SLC9C2: variants seen among roughly 807,000 people sequenced by gnomAD.
The protein encoded by SLC9C2 is sodium/hydrogen exchanger 11.
In SLC9C2, 75 loss-of-function variants were observed where a neutral mutation model predicts 140.2. The observed-to-expected ratio is 0.53, with a 90% CI of 0.44 to 0.65. The LOEUF is 0.65. SLC9C2 is among the 30% of genes least tolerant of loss of function. The pLI is 0.00. For synonymous variants in SLC9C2, 375 were observed against 420.9 expected, an observed-to-expected ratio of 0.89 and a Z score of 1.34; for missense variants, 1,074 against 1,331.8, an observed-to-expected ratio of 0.81 and a Z score of 3.01.
At chr1:173,597,127 A>G (rs570436915) in intron 4 of SLC9C2, among the ~76,000 whole-genome samples, 5 of 152,056 alleles carry the variant, frequency 3.3e-5, no homozygotes, top group Non-Finnish European at 7.4e-5. Context: ...AACATTTAAA[A>G]AAAAACATGT....
intron 13 of SLC9C2, among the ~76,000 whole-genome samples, chr1:173,541,971 A>T (rs1338738185): frequency 6.6e-6 from 1 of 152,124 alleles, no homozygotes; most frequent in Admixed American, 6.6e-5. Context: ...AGAGCAAACA[A>T]ATTCAAAAGC....
intron 23 of SLC9C2, among the ~76,000 whole-genome samples, chr1:173,511,419 G>T (rs1660049912): frequency 6.7e-6 from 1 of 150,368 alleles, no homozygotes; most frequent in Admixed American, 6.7e-5. Flanking sequence ...AATCAGTGAT[G>T]TTGAGCTTTT....
chr1:173,594,311 T>C (rs557089530), intron 4 of SLC9C2, among the ~76,000 whole-genome samples: 25 of 152,288 alleles, frequency 1.6e-4, no homozygotes, highest in Admixed American at 5.2e-4. Context: ...AAGGAAGACA[T>C]TGAATGTTCC....
intron 9 of SLC9C2, among the ~76,000 whole-genome samples, chr1:173,565,879 A>T (rs1336920376): frequency 2.0e-5 from 3 of 152,018 alleles, no homozygotes; most frequent in Admixed American, 2.0e-4. Context: ...GCATGTTTTT[A>T]TTATGAAGGC....
At chr1:173,505,511 T>G (rs1659569928) in intron 25 of SLC9C2, among the ~76,000 whole-genome samples, 180 bp from the exon 26 acceptor site, 1 of 152,180 alleles carries the variant, frequency 6.6e-6, no homozygotes, top group Non-Finnish European at 1.5e-5. Context: ...GACCAACAAA[T>G]TGTCCTTGCA....
intron 22 of SLC9C2, among the ~76,000 whole-genome samples, chr1:173,520,871 A>T (rs564777115): frequency 6.6e-6 from 1 of 152,316 alleles, no homozygotes; most frequent in East Asian, 1.9e-4. Context: ...ATGCAGATAC[A>T]AAGGATTCTT....
intron 13 of SLC9C2, among the ~76,000 whole-genome samples, chr1:173,540,734 T>TAAGGTAGAGA (rs1387429467): frequency 1.3e-5 from 2 of 152,120 alleles, no homozygotes; most frequent in Non-Finnish European, 2.9e-5. Flanking sequence ...CTTCATATGA[T>TAAGGTAGAGA]AAGGTAGAGA....
chr1:173,548,719 C>T (rs1329283459), intron 11 of SLC9C2, among the ~76,000 whole-genome samples, 167 bp from the exon 12 acceptor site: 1 of 152,192 alleles, frequency 6.6e-6, no homozygotes, highest in Non-Finnish European at 1.5e-5. Context: ...GATTACCCAA[C>T]TATTTGTTTC....
At chr1:173,510,005 C>T (rs1178847041) in intron 23 of SLC9C2, among the ~76,000 whole-genome samples, 1 of 152,052 alleles carries the variant, frequency 6.6e-6, no homozygotes, top group Non-Finnish European at 1.5e-5. Context: ...AGGAACTAAG[C>T]CATATGAACT....
intron 19 of SLC9C2, among the ~76,000 whole-genome samples, chr1:173,526,279 A>T (rs1661188919): frequency 6.6e-6 from 1 of 152,210 alleles, no homozygotes; most frequent in African/African-American, 2.4e-5. Context: ...AAAACAAAAC[A>T]ATGAAACAAA....
chr1:173,600,842 C>T (rs1323105392), intron 2 of SLC9C2, among the ~76,000 whole-genome samples: 1 of 152,112 alleles, frequency 6.6e-6, no homozygotes, highest in Non-Finnish European at 1.5e-5. Context: ...CCAAAGAAAG[C>T]AATTTCACTC....
rs58355008 is a variant in SLC9C2, at chr1:173,521,885, C to CAAAAA, written c.2641-491_2641-487dup. 6.3e-3 allele frequency among the ~76,000 whole-genome samples: 484 copies of CAAAAA among 76,834 alleles called. 29 individuals are homozygous for CAAAAA. Among genetic ancestry groups the CAAAAA allele is most frequent in the East Asian group, 0.029 (84 of 2,864 alleles). 50.4% of individuals were successfully genotyped at this position (76,834 alleles called of 152,430 possible). ...AAGAAGACAGGGACAGGGCGCTATGCAAAAAAAAAAAAAAAAAAAAAAATG... is the reference window on the plus strand; with the variant it reads ...AAGAAGACAGGGACAGGGCGCTATGCAAAAAAAAAAAAAAAAAAAAAAAAAAAATG... On this transcript the variant is annotated intron_variant, in intron 21 of 27. Coordinates refer to ENST00000367714, the MANE Select transcript of SLC9C2 (RefSeq NM_178527.4).
At chr1:173,584,372 T>C (rs1016703464) in intron 5 of SLC9C2, among the ~76,000 whole-genome samples, 1 of 152,146 alleles carries the variant, frequency 6.6e-6, no homozygotes, top group African/African-American at 2.4e-5. Flanking sequence ...ACAGCCAAAT[T>C]TCCATCTAAC....
chr1:173,576,811 C>G (rs1463307616), intron 7 of SLC9C2, 51 bp from the exon 8 acceptor site: 7 of 1,017,712 alleles, frequency 6.9e-6, no homozygotes, highest in Non-Finnish European at 1.0e-5. Context: ...TTCATATCTG[C>G]ACACTGAGAC....
rs1450613109 is a variant in SLC9C2, at chr1:173,547,663, TA to T, written c.1557+25del. On this transcript the variant is annotated intron_variant, in intron 13 of 27. Coordinates refer to ENST00000367714, the MANE Select transcript of SLC9C2 (RefSeq NM_178527.4). ...AAAGACATTGCAAGAAAGGAAATTTTAAAACATTATGTGAACAGCACCAACC... is the reference window on the plus strand; with the variant it reads ...AAAGACATTGCAAGAAAGGAAATTTTAAACATTATGTGAACAGCACCAACC... 3 of 1,574,082 alleles carry T rather than the reference TA, an allele frequency of 1.9e-6. No homozygotes were observed. In the African/African-American group the frequency reaches 4.1e-5, roughly 21 times the overall value.
In SLC9C2 at chr1:173,537,103, C is replaced by A. The variant is rs191123813; in HGVS notation, c.1558-64G>T. On this transcript the variant is annotated intron_variant, in intron 13 of 27. Coordinates refer to ENST00000367714, the MANE Select transcript of SLC9C2 (RefSeq NM_178527.4). ...CATAAATGGAATGTATTCTTCTTAA[C>A]CCTTACATAGCCCTCACTATTATTA... 8.0e-4 allele frequency: 1,023 copies of A among 1,276,170 alleles called. 8 individuals carry two copies. The African/African-American group carries it at 0.014, about 17-fold the overall frequency. 79.1% of individuals were successfully genotyped at this position (1,276,170 alleles called of 1,614,324 possible).
intron 9 of SLC9C2, 65 bp from the exon 10 acceptor site, chr1:173,557,573 G>A: frequency 2.1e-6 from 3 of 1,433,658 alleles, no homozygotes; most frequent in Non-Finnish European, 2.9e-6. Flanking sequence ...ATAGTTGAAA[G>A]CAAGTACTAA....
intron 18 of SLC9C2, among the ~76,000 whole-genome samples, chr1:173,527,626 C>G (rs976352389): frequency 4.6e-5 from 7 of 152,202 alleles, no homozygotes; most frequent in African/African-American, 1.7e-4. Context: ...AGCTTACCCT[C>G]CAGCTTTGAG....
intron 7 of SLC9C2, among the ~76,000 whole-genome samples, chr1:173,580,351 A>G (rs966412363): frequency 1.7e-4 from 25 of 149,598 alleles, no homozygotes; most frequent in Non-Finnish European, 3.1e-4. Context: ...TAGGTGATAT[A>G]ACACTTTTTT....
Sources: allele counts gnomAD v4.1 joint callset (sites outside exome capture counted in the v4.1 genomes callset), GRCh38; gene constraint gnomAD v4.1.1; transcripts MANE v1.5; gene names NCBI Gene and HGNC (gene_info 2026-07-23, HGNC 2026-07-21).